Variants in HK2 observed in about 807,000 individuals in gnomAD.
The protein encoded by HK2 is hexokinase-2.
Under a neutral mutation model 92.9 loss-of-function variants are expected in HK2, and 42 were observed. The ratio of observed to expected loss-of-function variants is 0.45; its 90% confidence interval spans 0.35 to 0.58. The LOEUF (loss-of-function observed/expected upper bound fraction) is 0.58, where lower values mean the gene tolerates loss of function less well. Among genes scored for constraint, HK2 ranks in the 20% least tolerant of loss-of-function variants. HK2 has a pLI of 0.00. For missense variants in HK2, 978 were observed against 1,245.1 expected (o/e 0.79, Z 3.23); for synonymous variants, 422 against 468.0 (o/e 0.90, Z 1.27).
intron 2 of HK2, among the ~76,000 whole-genome samples, chr2:74,861,564 G>T (rs576126798): frequency 6.6e-6 from 1 of 152,272 alleles, no homozygotes; most frequent in South Asian, 2.1e-4. Context: ...GGCAACCAAG[G>T]CTAAAAAAGG....
At chr2:74,864,930 T>G (rs1688911509) in intron 2 of HK2, among the ~76,000 whole-genome samples, 2 of 152,220 alleles carry the variant, frequency 1.3e-5, no homozygotes, top group South Asian at 4.1e-4. Context: ...GAGAGCCCTG[T>G]GATGTGCCCA....
rs184841645 is a variant in HK2, at chr2:74,852,747, T to G, written c.64-1546T>G. 9.9e-5 allele frequency among the ~76,000 whole-genome samples: 15 copies of G among 151,488 alleles called. No homozygotes were observed. In the East Asian group the frequency reaches 2.9e-3, roughly 29 times the overall value. ...TATCTGATGCTTCTCATTCTCCTGG[T>G]ATTAAATCTGGGAAAAGTTCATGTG... On this transcript the variant is annotated intron_variant, in intron 1 of 17. Coordinates refer to ENST00000290573, the MANE Select transcript of HK2 (RefSeq NM_000189.5).
In HK2 at chr2:74,880,369, C is replaced by G. The variant is rs1442409196; in HGVS notation, c.1370C>G (p.Thr457Arg). 1 of 1,614,160 alleles carries G rather than the reference C, an allele frequency of 6.2e-7. No individual in the cohort carries two copies. Among genetic ancestry groups the G allele is most frequent in the Non-Finnish European group, 8.5e-7 (1 of 1,180,036 alleles). The change falls in exon 10 of 18, where the codon ACA (threonine) becomes AGA (arginine). Residue 457 changes from threonine (T) to arginine (R), a missense_variant. Thr to Arg is a moderately conservative substitution (Grantham distance 71). Transcript: ENST00000290573. ...DGSGKGAAMV[T>R]AVAYRLADQH... Reference sequence around the variant, plus strand: ...AGTGGCAAAGGTGCAGCCATGGTGACAGCAGTGGCTTACCGGCTGGCCGAT... The same window carrying G: ...AGTGGCAAAGGTGCAGCCATGGTGAGAGCAGTGGCTTACCGGCTGGCCGAT...
intron 12 of HK2, 49 bp from the exon 13 acceptor site, chr2:74,885,445 C>T (rs762251217): frequency 7.4e-7 from 1 of 1,357,158 alleles, no homozygotes; most frequent in Non-Finnish European, 1.1e-6. Flanking sequence ...CAGAACTGAC[C>T]TGGGAGCTCT....
At chr2:74,883,328 C>T (rs2068358) in intron 12 of HK2, among the ~76,000 whole-genome samples, 89,471 of 151,920 alleles carry the variant, frequency 0.59, 26,479 homozygotes, top group Middle Eastern at 0.74. Flanking sequence ...GATACTGAAG[C>T]CCCCAGGACA....
intron 1 of HK2, among the ~76,000 whole-genome samples, chr2:74,842,337 G>GTATTCAATAAATTACATGAGA (rs1174057419): frequency 4.6e-5 from 7 of 152,170 alleles, no homozygotes; most frequent in Non-Finnish European, 8.8e-5. Context: ...TTTCAGTACA[G>GTATTCAATAAATTACATGAGA]TATTCAATAA....
At chr2:74,874,048 A>T (rs1210615387) in intron 6 of HK2, 105 bp downstream of exon 6, 1 of 997,556 alleles carries the variant, frequency 1.0e-6, no homozygotes, top group African/African-American at 1.6e-5. Flanking sequence ...TGTAGTTCAT[A>T]TTAGAAGATA....
intron 3 of HK2, among the ~76,000 whole-genome samples, chr2:74,868,658 G>C (rs893134266): frequency 1.3e-4 from 20 of 152,060 alleles, no homozygotes; most frequent in African/African-American, 4.8e-4. Flanking sequence ...CCTGTTGTGG[G>C]GGATGTGGTT....
intron 1 of HK2, among the ~76,000 whole-genome samples, chr2:74,841,836 A>C (rs1356489203): frequency 1.3e-5 from 2 of 152,236 alleles, no homozygotes; most frequent in Non-Finnish European, 2.9e-5. Context: ...GCTGGGCATG[A>C]GCCAGGCTTC....
chr2:74,891,077 GTC>G lies in HK2; in HGVS notation c.*140_*141del. The G allele has an allele frequency of 4.1e-6, 4 of 979,668 alleles. No homozygotes were observed. The highest frequency in any genetic ancestry group is 6.2e-6 in the Non-Finnish European group (4 of 646,360). 60.7% of individuals were successfully genotyped at this position (979,668 alleles called of 1,614,324 possible). A position where few individuals can be genotyped will look rare whatever the true frequency, so the allele number is the denominator to read the frequency against. ...AGAGGACCCCACTGGACTGGGTTTT[GTC>G]TCTGCATCTCATTGTAGAGCTTGGT... On this transcript the variant is annotated 3_prime_UTR_variant, in exon 18 of 18. Coordinates refer to ENST00000290573, the MANE Select transcript of HK2 (RefSeq NM_000189.5).
At position 74,890,841 on chromosome 2, in the gene HK2, A is replaced by T. The variant is rs776089797; in HGVS notation, c.2654A>T (p.Lys885Ile). 5.6e-6 allele frequency: 9 copies of T among 1,613,992 alleles called. No homozygotes were observed. The highest frequency in any genetic ancestry group is 7.6e-6 in the Non-Finnish European group (9 of 1,180,020). The change falls in exon 18 of 18, where the codon AAA (lysine) becomes ATA (isoleucine). Residue 885 changes from lysine (K) to isoleucine (I), a missense_variant. Physicochemically the swap from Lys to Ile is moderately radical, Grantham distance 102. Transcript: ENST00000290573. ...MHETVKDLAP[K>I]CDVSFLQSED... ...GAGACAGTGAAGGACCTGGCTCCGA[A>T]ATGTGATGTGTCTTTCCTGCAGTCA...
intron 3 of HK2, among the ~76,000 whole-genome samples, chr2:74,870,507 A>G (rs1689072140): frequency 7.1e-6 from 1 of 140,926 alleles, no homozygotes; most frequent in Non-Finnish European, 1.5e-5. Flanking sequence ...CCCCACCTCC[A>G]GTCTTTGATG....
chr2:74,834,924 CCT>C lies in HK2; in HGVS notation c.63+282_63+283del, dbSNP rs1256564349. 1.3e-5 allele frequency among the ~76,000 whole-genome samples: 2 copies of C among 152,194 alleles called. No homozygotes were observed. The highest frequency in any genetic ancestry group is 1.9e-4 in the East Asian group (1 of 5,180). On this transcript the variant is annotated intron_variant, in intron 1 of 17. Coordinates refer to ENST00000290573, the MANE Select transcript of HK2 (RefSeq NM_000189.5). This position sits in a 1 kb window ranked among gnomAD's most constrained non-coding sequence, Gnocchi z 4.2. ...CGCTCTCTCCCCCAGTCCCTTTTTCCCTGTTACTGGAGGGGCGGGTCACCCCG... is the reference window on the plus strand; with the variant it reads ...CGCTCTCTCCCCCAGTCCCTTTTTCCGTTACTGGAGGGGCGGGTCACCCCG...
chr2:74,888,074 T>C lies in HK2; in HGVS notation c.2375+16T>C, dbSNP rs993573492. The C allele has an allele frequency of 6.2e-7, 1 of 1,613,774 alleles. No homozygotes were observed. The highest frequency in any genetic ancestry group is 1.3e-5 in the African/African-American group (1 of 74,934). On this transcript the variant is annotated intron_variant, in intron 16 of 17. Transcript: ENST00000290573. ...AGATTGAGAGGTGAGAGCTTAGGGCTCAGGGTAGCAGGGGGGCCATGTCCT... is the reference window on the plus strand; with the variant it reads ...AGATTGAGAGGTGAGAGCTTAGGGCCCAGGGTAGCAGGGGGGCCATGTCCT...
At chr2:74,875,663 T>A (rs1689212396) in intron 7 of HK2, among the ~76,000 whole-genome samples, 1 of 152,124 alleles carries the variant, frequency 6.6e-6, no homozygotes, top group Non-Finnish European at 1.5e-5. Context: ...ATGGTTTATT[T>A]ATCTAAGTCA....
At chr2:74,877,797 C>T (rs1212590740) in intron 8 of HK2, among the ~76,000 whole-genome samples, 1 of 152,204 alleles carries the variant, frequency 6.6e-6, no homozygotes, top group Non-Finnish European at 1.5e-5. Flanking sequence ...GAGCTGGGGC[C>T]TGCATTTTCA....
At chr2:74,863,197 C>G (rs575892256) in intron 2 of HK2, among the ~76,000 whole-genome samples, 2 of 152,308 alleles carry the variant, frequency 1.3e-5, no homozygotes, top group East Asian at 3.9e-4. Flanking sequence ...GTCCTAGGAG[C>G]TTTAGGGTGC....
intron 1 of HK2, among the ~76,000 whole-genome samples, chr2:74,851,646 C>A (rs192332114): frequency 1.3e-5 from 2 of 152,338 alleles, no homozygotes; most frequent in East Asian, 3.9e-4. Flanking sequence ...TTTGCAAACA[C>A]CTGAAGCCTT....
At chr2:74,871,169 TC>T (rs1225620211) in intron 3 of HK2, among the ~76,000 whole-genome samples, 3 of 152,222 alleles carry the variant, frequency 2.0e-5, no homozygotes, top group Non-Finnish European at 4.4e-5. Context: ...TCTGCTATAG[TC>T]GGTCTGTGGG....
Sources: gnomAD v4.1 joint callset for allele counts (sites outside exome capture counted in the v4.1 genomes callset) on GRCh38, gnomAD v4.1.1 for gene constraint, Gnocchi (gnomAD v3.1) non-coding constraint, MANE v1.5 for transcripts, NCBI Gene and HGNC (gene_info 2026-07-23, HGNC 2026-07-21) for gene names.